Variants in CORO2B observed in about 807,000 individuals in gnomAD.
The protein encoded by CORO2B is coronin 2B, also known as coronin-2B.
A neutral mutation model predicts 58.8 loss-of-function variants in CORO2B; 26 were observed. The ratio of observed to expected loss-of-function variants is 0.44; its 90% confidence interval spans 0.32 to 0.61. The LOEUF (loss-of-function observed/expected upper bound fraction) is 0.61, where lower values mean the gene tolerates loss of function less well. Among genes scored for constraint, CORO2B ranks in the 20% least tolerant of loss-of-function variants. The probability of loss-of-function intolerance (pLI) is 0.04; values close to 1 mark genes in which losing one functional copy is unlikely to be tolerated. For synonymous variants in CORO2B, 242 were observed against 253.8 expected, an observed-to-expected ratio of 0.95 and a Z score of 0.44; for missense variants, 460 against 645.1, an observed-to-expected ratio of 0.71 and a Z score of 3.11.
intron 1 of CORO2B, among the ~76,000 whole-genome samples, chr15:68,630,873 A>G (rs769120088): frequency 1.3e-4 from 20 of 152,162 alleles, no homozygotes; most frequent in Non-Finnish European, 2.5e-4. Context: ...CTCAAATGGA[A>G]GCAAAGGCGG....
intron 2 of CORO2B, among the ~76,000 whole-genome samples, chr15:68,646,765 A>G (rs1056744229): frequency 3.3e-5 from 5 of 152,222 alleles, no homozygotes; most frequent in Admixed American, 2.6e-4. Context: ...TGAAGCTCCT[A>G]GTGAACCACA....
the CORO2B span, among the ~76,000 whole-genome samples, chr15:68,522,790 T>C: frequency 6.6e-6 from 1 of 152,256 alleles, no homozygotes; most frequent in Non-Finnish European, 1.5e-5. Context: ...ACAGTTGTTT[T>C]AGTGTCCAAT....
At chr15:68,575,004 G>A (rs1899253314), upstream of CORO2B, among the ~76,000 whole-genome samples, 1 of 152,180 alleles carries the variant, frequency 6.6e-6, no homozygotes, top group African/African-American at 2.4e-5. Flanking sequence ...TATCCCCTCA[G>A]GCTACCCCAC....
the CORO2B span, among the ~76,000 whole-genome samples, chr15:68,568,759 C>T: frequency 3.9e-5 from 6 of 152,008 alleles, no homozygotes; most frequent in African/African-American, 1.5e-4. Flanking sequence ...GAAAATACAG[C>T]AAGTTGGGAG....
intron 2 of CORO2B, among the ~76,000 whole-genome samples, chr15:68,669,588 G>A (rs572298144): frequency 3.9e-5 from 6 of 152,226 alleles, no homozygotes; most frequent in Middle Eastern, 3.4e-3. Flanking sequence ...CCTCACTTTC[G>A]TTGAGCTCAA....
chr15:68,594,692 CGAGCCAAT>C (rs1566980149), intron 1 of CORO2B, among the ~76,000 whole-genome samples: 1 of 152,132 alleles, frequency 6.6e-6, no homozygotes, highest in Non-Finnish European at 1.5e-5. Context: ...CCCATGTCTG[CGAGCCAAT>C]GAGCAGAGGT....
chr15:68,578,966 GC>G, upstream of CORO2B: 4 of 483,338 alleles, frequency 8.3e-6, no homozygotes, highest in Non-Finnish European at 1.1e-5. This position sits in a 1 kb window ranked among gnomAD's most constrained non-coding sequence, Gnocchi z 4.2. Context: ...CCGCCCCCCA[GC>G]CCGGGCCCTC....
At chr15:68,622,325 A>G (rs970581872) in intron 1 of CORO2B, among the ~76,000 whole-genome samples, 15 of 152,026 alleles carry the variant, frequency 9.9e-5, no homozygotes, top group African/African-American at 3.6e-4. Flanking sequence ...TGAGGATGTG[A>G]GGGTTGGTTG....
intron 2 of CORO2B, among the ~76,000 whole-genome samples, chr15:68,671,581 C>T (rs984244764): frequency 3.9e-4 from 60 of 152,204 alleles, no homozygotes; most frequent in African/African-American, 1.3e-3. Flanking sequence ...TTAAAGCTGT[C>T]GGCCAGGGCT....
chr15:68,634,287 G>C (rs1464099630), intron 1 of CORO2B, among the ~76,000 whole-genome samples: 1 of 152,202 alleles, frequency 6.6e-6, no homozygotes, highest in Admixed American at 6.5e-5. Context: ...GAAAGCCCTC[G>C]AGGGATGCAT....
intron 11 of CORO2B, among the ~76,000 whole-genome samples, chr15:68,720,026 C>T (rs1893124422): frequency 6.6e-6 from 1 of 152,218 alleles, no homozygotes; most frequent in Admixed American, 6.5e-5. Flanking sequence ...TTTGGGGCAG[C>T]TCGGCTGGGC....
chr15:68,708,615 G>A (rs965397032), intron 3 of CORO2B, among the ~76,000 whole-genome samples: 13 of 151,706 alleles, frequency 8.6e-5, no homozygotes, highest in Admixed American at 6.6e-5. Context: ...GCCCACCTCG[G>A]CCTCCCAAAG....
At chr15:68,614,124 C>A (rs973295887) in intron 1 of CORO2B, among the ~76,000 whole-genome samples, 3 of 152,222 alleles carry the variant, frequency 2.0e-5, no homozygotes, top group African/African-American at 7.2e-5. Flanking sequence ...GAATCAGAAT[C>A]TCTGGGAGTG....
chr15:68,536,879 T>C, the CORO2B span, among the ~76,000 whole-genome samples: 1 of 152,180 alleles, frequency 6.6e-6, no homozygotes, highest in African/African-American at 2.4e-5. Flanking sequence ...TCCTTCCTAT[T>C]GGCTGGAATG....
chr15:68,577,695 T>C (rs1263671440), upstream of CORO2B, among the ~76,000 whole-genome samples: 7 of 130,978 alleles, frequency 5.3e-5, no homozygotes, highest in African/African-American at 1.5e-4. Context: ...CACTCCAGCC[T>C]GGGCGACAGA....
chr15:68,681,142 G>A (rs553994529), intron 2 of CORO2B, among the ~76,000 whole-genome samples: 1 of 152,310 alleles, frequency 6.6e-6, no homozygotes, highest in South Asian at 2.1e-4. Context: ...GAACCCAGAA[G>A]GAGGAGGTTG....
At chr15:68,646,696 G>C (rs991281536) in intron 2 of CORO2B, among the ~76,000 whole-genome samples, 4 of 152,174 alleles carry the variant, frequency 2.6e-5, no homozygotes, top group African/African-American at 9.7e-5. Flanking sequence ...GTAAAAGCAG[G>C]ATCAGAAATC....
chr15:68,587,972 G>C (rs1284859184), intron 1 of CORO2B, among the ~76,000 whole-genome samples: 1 of 152,226 alleles, frequency 6.6e-6, no homozygotes, highest in African/African-American at 2.4e-5. Flanking sequence ...GCTCCTTACT[G>C]TGTGACCTTG....
chr15:68,670,951 T>TA (rs1349927498), intron 2 of CORO2B, among the ~76,000 whole-genome samples: 2 of 152,248 alleles, frequency 1.3e-5, no homozygotes, highest in Non-Finnish European at 2.9e-5. Flanking sequence ...CATTTTCACT[T>TA]ACAATAATTT....
Sources: allele counts gnomAD v4.1 joint callset (sites outside exome capture counted in the v4.1 genomes callset), GRCh38; gene constraint gnomAD v4.1.1; non-coding constraint Gnocchi (gnomAD v3.1); transcripts MANE v1.5; gene names NCBI Gene and HGNC (gene_info 2026-07-23, HGNC 2026-07-21).